The following ABTB3 variants were observed in gnomAD, a reference collection of about 807,000 sequenced individuals.
ABTB3 encodes the protein ankyrin repeat- and BTB/POZ domain-containing protein 3.
the ABTB3 span, among the ~76,000 whole-genome samples, chr12:107,416,312 A>G: frequency 2.0e-5 from 3 of 152,096 alleles, no homozygotes; most frequent in African/African-American, 7.2e-5. Context: ...CCTTTTATTG[A>G]GCACCTGCCA....
chr12:107,319,661 A>C, the ABTB3 span: 1 of 1,536,792 alleles, frequency 6.5e-7, no homozygotes, highest in Non-Finnish European at 8.7e-7. Flanking sequence ...GACAGCCTGC[A>C]TGGAGAGCCT....
chr12:107,352,349 C>A, the ABTB3 span, among the ~76,000 whole-genome samples: 1 of 152,042 alleles, frequency 6.6e-6, no homozygotes, highest in Admixed American at 6.6e-5. Context: ...GAGCGCTGTG[C>A]CAACTGTCTG....
chr12:107,645,468 G>T, the ABTB3 span, among the ~76,000 whole-genome samples: 1 of 152,198 alleles, frequency 6.6e-6, no homozygotes, highest in African/African-American at 2.4e-5. Context: ...TCCTAGCAGA[G>T]CTGAGGTTCA....
the ABTB3 span, among the ~76,000 whole-genome samples, chr12:107,467,320 A>G: frequency 6.6e-6 from 1 of 152,118 alleles, no homozygotes; most frequent in Admixed American, 6.5e-5. Context: ...TTGTTATTGT[A>G]GAATGTGCCG....
At chr12:107,510,687 G>A in the ABTB3 span, among the ~76,000 whole-genome samples, 1 of 152,088 alleles carries the variant, frequency 6.6e-6, no homozygotes, top group Non-Finnish European at 1.5e-5. Context: ...TTGGGAAGCC[G>A]ATGAGGGCGG....
the ABTB3 span, among the ~76,000 whole-genome samples, chr12:107,449,722 C>A: frequency 6.6e-6 from 1 of 152,220 alleles, no homozygotes; most frequent in South Asian, 2.1e-4. Context: ...GTGGTCATAG[C>A]TTACTGTAAC....
the ABTB3 span, among the ~76,000 whole-genome samples, chr12:107,342,289 G>A: frequency 6.6e-6 from 1 of 152,040 alleles, no homozygotes; most frequent in Non-Finnish European, 1.5e-5. Context: ...CATGGATACT[G>A]AAGCTTCCAT....
At chr12:107,632,240 G>A in the ABTB3 span, among the ~76,000 whole-genome samples, 1 of 152,048 alleles carries the variant, frequency 6.6e-6, no homozygotes, top group African/African-American at 2.4e-5. Flanking sequence ...CGCCAAAAAA[G>A]AAAAACTCGC....
chr12:107,608,961 A>T, the ABTB3 span, among the ~76,000 whole-genome samples: 1 of 85,882 alleles, frequency 1.2e-5, no homozygotes, highest in African/African-American at 5.4e-5. Flanking sequence ...TAAAATATAA[A>T]ATAAAATATA....
the ABTB3 span, among the ~76,000 whole-genome samples, chr12:107,414,593 C>G: frequency 6.6e-6 from 1 of 152,066 alleles, no homozygotes; most frequent in Non-Finnish European, 1.5e-5. Context: ...GCGAGACATT[C>G]GGCTATTTTT....
the ABTB3 span, among the ~76,000 whole-genome samples, chr12:107,466,787 G>A: frequency 1.3e-5 from 2 of 152,090 alleles, no homozygotes; most frequent in Non-Finnish European, 2.9e-5. Context: ...TTTGAGCAGG[G>A]CCAAGGAGTT....
chr12:107,656,998 A>C, the ABTB3 span, among the ~76,000 whole-genome samples: 1 of 152,200 alleles, frequency 6.6e-6, no homozygotes. Context: ...AGCCGAGATC[A>C]TGCCGCTGCG....
At chr12:107,644,972 C>CTTTTTT in the ABTB3 span, among the ~76,000 whole-genome samples, 3,063 of 126,934 alleles carry the variant, frequency 0.024, 111 homozygotes, top group African/African-American at 0.062. Context: ...TCAAAATTCA[C>CTTTTTT]TTTTTTTTTT....
the ABTB3 span, among the ~76,000 whole-genome samples, chr12:107,452,953 A>C: frequency 6.6e-6 from 1 of 152,216 alleles, no homozygotes; most frequent in Non-Finnish European, 1.5e-5. Flanking sequence ...GTGATACAGA[A>C]TAATGGGGTG....
chr12:107,423,465 C>A, the ABTB3 span, among the ~76,000 whole-genome samples: 1 of 152,132 alleles, frequency 6.6e-6, no homozygotes, highest in Non-Finnish European at 1.5e-5. Context: ...AGCGGAAAGT[C>A]GTACAGTATT....
chr12:107,504,813 C>T, the ABTB3 span, among the ~76,000 whole-genome samples: 1 of 152,210 alleles, frequency 6.6e-6, no homozygotes, highest in Admixed American at 6.5e-5. Flanking sequence ...GAATGTTTGT[C>T]CTTGGCATAA....
At chr12:107,369,392 G>T in the ABTB3 span, among the ~76,000 whole-genome samples, 24 of 134,898 alleles carry the variant, frequency 1.8e-4, no homozygotes, top group African/African-American at 5.6e-4. Context: ...TCAAACAAGG[G>T]TTTTTTTTTT....
the ABTB3 span, among the ~76,000 whole-genome samples, chr12:107,409,633 A>G: frequency 6.6e-6 from 1 of 152,220 alleles, no homozygotes; most frequent in African/African-American, 2.4e-5. Flanking sequence ...GTTCTCACTT[A>G]TAAGTGGGAG....
the ABTB3 span, among the ~76,000 whole-genome samples, chr12:107,392,790 A>G: frequency 5.0e-4 from 76 of 152,340 alleles, no homozygotes; most frequent in African/African-American, 1.8e-3. Context: ...TTGTGTACAC[A>G]GTTGGCACTT....
Sources: gnomAD v4.1 joint callset for allele counts (sites outside exome capture counted in the v4.1 genomes callset) on GRCh38, gnomAD v4.1.1 for gene constraint, MANE v1.5 for transcripts, NCBI Gene and HGNC (gene_info 2026-07-23, HGNC 2026-07-21) for gene names.